Variants in ODR4 observed in about 807,000 individuals in gnomAD.
ODR4 encodes the protein odr-4 GPCR localization factor homolog.
ODR4 carries 47 observed loss-of-function variants against 60.2 expected under a neutral mutation model. The observed-to-expected ratio is 0.78, with a 90% confidence interval of 0.62 to 1.00. The LOEUF is 1.00. ODR4 is among the 50% of genes least tolerant of loss of function. The pLI is 0.00. For synonymous variants in ODR4, 178 were observed against 175.5 expected (o/e 1.01, Z -0.11); for missense variants, 488 against 530.8 (o/e 0.92, Z 0.79).
rs73046576 is a variant in ODR4, at chr1:186,420,846, A to G, written c.*1770A>G. 6.6e-6 allele frequency: 1 copy of G among 152,344 alleles called. No individual in the cohort carries two copies. The highest frequency in any genetic ancestry group is 2.4e-5 in the African/African-American group (1 of 41,576). 9.4% of individuals were successfully genotyped at this position (152,344 alleles called of 1,614,324 possible). A position where few individuals can be genotyped will look rare whatever the true frequency, so the allele number is the denominator to read the frequency against. On this transcript the variant is annotated 3_prime_UTR_variant, in exon 14 of 14. Transcript: ENST00000287859. ...GGAGAGGCAGTACTTGAAAGATAAC[A>G]CAATTTTACAAATTTGTTGGAAAAA...
intron 8 of ODR4, among the ~76,000 whole-genome samples, chr1:186,392,537 C>A (rs1363349022): frequency 6.6e-6 from 1 of 152,178 alleles, no homozygotes; most frequent in Admixed American, 6.5e-5. Flanking sequence ...AATGCAGGGG[C>A]CAGGCATGGT....
intron 12 of ODR4, among the ~76,000 whole-genome samples, chr1:186,413,812 A>G (rs1661456596): frequency 6.6e-6 from 1 of 152,210 alleles, no homozygotes; most frequent in South Asian, 2.1e-4. Flanking sequence ...AAGTCTTAAC[A>G]TTTCATTTTA....
the ODR4 span, among the ~76,000 whole-genome samples, chr1:186,428,090 A>C: frequency 6.6e-6 from 1 of 152,214 alleles, no homozygotes; most frequent in Non-Finnish European, 1.5e-5. Flanking sequence ...CACCAGGTGC[A>C]TTGGCCCCTA....
At chr1:186,406,923 A>C (rs1661196603) in intron 12 of ODR4, among the ~76,000 whole-genome samples, 1 of 152,100 alleles carries the variant, frequency 6.6e-6, no homozygotes, top group South Asian at 2.1e-4. Context: ...GTCTATAAAT[A>C]AATATGTAAG....
chr1:186,376,231 C>G (rs1304968471), intron 1 of ODR4, among the ~76,000 whole-genome samples: 2 of 152,136 alleles, frequency 1.3e-5, no homozygotes, highest in Non-Finnish European at 2.9e-5. Context: ...ACCGGTAGCA[C>G]TTTGAGTGTA....
chr1:186,409,580 C>G (rs1432366604), intron 12 of ODR4, among the ~76,000 whole-genome samples: 4 of 152,236 alleles, frequency 2.6e-5, no homozygotes, highest in Non-Finnish European at 5.9e-5. Context: ...GAGTCTCGCT[C>G]TGTCTCCCAA....
chr1:186,427,436 A>G, the ODR4 span, among the ~76,000 whole-genome samples: 2 of 152,180 alleles, frequency 1.3e-5, no homozygotes, highest in Non-Finnish European at 2.9e-5. Flanking sequence ...TCATTCATTC[A>G]AGTTTTATCA....
At chr1:186,407,174 G>T (rs1217540191) in intron 12 of ODR4, among the ~76,000 whole-genome samples, 1 of 152,014 alleles carries the variant, frequency 6.6e-6, no homozygotes, top group African/African-American at 2.4e-5. Context: ...TTTCTAAATT[G>T]CCCAATGCCT....
chr1:186,415,520 G>T (rs568257290), intron 12 of ODR4, among the ~76,000 whole-genome samples: 1 of 152,228 alleles, frequency 6.6e-6, no homozygotes, highest in African/African-American at 2.4e-5. Flanking sequence ...TCATAATCTA[G>T]TTCCCTGGAG....
chr1:186,395,730 CT>C (rs1262871205), intron 9 of ODR4, among the ~76,000 whole-genome samples: 1 of 152,164 alleles, frequency 6.6e-6, no homozygotes, highest in African/African-American at 2.4e-5. Context: ...TCTTGAAATA[CT>C]TTCCATTTAT....
At chr1:186,401,153 G>C in intron 11 of ODR4, 1 of 1,595,088 alleles carries the variant, frequency 6.3e-7, no homozygotes, top group Admixed American at 1.7e-5. Flanking sequence ...GGCTATCCTG[G>C]TATTCTTTCA....
chr1:186,429,541 A>G, the ODR4 span, among the ~76,000 whole-genome samples: 69 of 152,248 alleles, frequency 4.5e-4, no homozygotes, highest in Admixed American at 4.5e-3. Context: ...AAAAATCCAC[A>G]TATGACCCTT....
intron 3 of ODR4, among the ~76,000 whole-genome samples, chr1:186,383,526 G>A (rs1660120972): frequency 6.6e-6 from 1 of 152,010 alleles, no homozygotes; most frequent in South Asian, 2.1e-4. Context: ...CATGGCACAC[G>A]TAAACCTATG....
chr1:186,430,354 T>C, the ODR4 span, among the ~76,000 whole-genome samples: 1 of 152,110 alleles, frequency 6.6e-6, no homozygotes, highest in Admixed American at 6.5e-5. Context: ...TAAAAAGGCT[T>C]GGTATTTTAG....
Position 186,389,665 on chromosome 1 carries a change from G to A in ODR4, c.474+41G>A, listed in dbSNP as rs374960484. The A allele has an allele frequency of 3.0e-6, 4 of 1,348,438 alleles. No homozygotes were observed. The African/African-American group carries it at 6.0e-5, about 20-fold the overall frequency. 83.5% of individuals were successfully genotyped at this position (1,348,438 alleles called of 1,614,324 possible). On this transcript the variant is annotated intron_variant, in intron 6 of 13. Transcript: ENST00000287859. ...TTTAAAGATTTTTCTGTGTCACAAA[G>A]TATTTTCAATCAAAATTCAGCTTTT...
At chr1:186,432,512 G>T in the ODR4 span, among the ~76,000 whole-genome samples, 1 of 151,886 alleles carries the variant, frequency 6.6e-6, no homozygotes, top group Non-Finnish European at 1.5e-5. Context: ...GTGTTTTTTT[G>T]GGGGGTAATA....
intron 1 of ODR4, among the ~76,000 whole-genome samples, chr1:186,377,261 G>A (rs1050952362): frequency 6.6e-6 from 1 of 152,170 alleles, no homozygotes; most frequent in African/African-American, 2.4e-5. Flanking sequence ...TTTTCAATCT[G>A]TGGTTGGTTG....
At chr1:186,405,400 T>G (rs1661135136) in intron 11 of ODR4, among the ~76,000 whole-genome samples, 1 of 152,146 alleles carries the variant, frequency 6.6e-6, no homozygotes, top group Admixed American at 6.5e-5. Context: ...AACTATAAAA[T>G]GTACAGTGCC....
chr1:186,377,779 C>T (rs1659844847), intron 1 of ODR4, among the ~76,000 whole-genome samples: 1 of 152,188 alleles, frequency 6.6e-6, no homozygotes, highest in Non-Finnish European at 1.5e-5. Context: ...GGCATGGTGA[C>T]TCACACCTGT....
Sources: allele counts gnomAD v4.1 joint callset (sites outside exome capture counted in the v4.1 genomes callset), GRCh38; gene constraint gnomAD v4.1.1; transcripts MANE v1.5; gene names NCBI Gene and HGNC (gene_info 2026-07-23, HGNC 2026-07-21).